CRYL1: variants seen among roughly 807,000 people sequenced by gnomAD.
CRYL1 encodes the protein crystallin lambda 1, also known as lambda-crystallin homolog.
In CRYL1, 29 loss-of-function variants were observed where a neutral mutation model predicts 36.6. That is an observed-to-expected ratio of 0.79 (90% CI 0.59 to 1.08). The LOEUF (loss-of-function observed/expected upper bound fraction) is 1.08, where lower values mean the gene tolerates loss of function less well. Ranked by LOEUF, CRYL1 falls within the 50% of genes least tolerant of loss-of-function variation. The probability of loss-of-function intolerance (pLI) is 0.00; values close to 1 mark genes in which losing one functional copy is unlikely to be tolerated. For synonymous variants in CRYL1, 152 were observed against 151.5 expected, an observed-to-expected ratio of 1.00 and a Z score of -0.02; for missense variants, 411 against 407.9, an observed-to-expected ratio of 1.01 and a Z score of -0.06.
chr13:20,419,363 G>A (rs763932758), intron 5 of CRYL1, among the ~76,000 whole-genome samples: 6 of 152,138 alleles, frequency 3.9e-5, no homozygotes, highest in South Asian at 2.1e-4. Flanking sequence ...GCAGGATCTC[G>A]GCTCACTGCA....
intron 5 of CRYL1, among the ~76,000 whole-genome samples, chr13:20,416,694 T>G (rs1455300637): frequency 6.6e-6 from 1 of 152,236 alleles, no homozygotes; most frequent in Non-Finnish European, 1.5e-5. Flanking sequence ...AGAATCGTAT[T>G]TAGTATTTTT....
intron 3 of CRYL1, among the ~76,000 whole-genome samples, chr13:20,453,119 A>T (rs1476046568): frequency 1.3e-5 from 2 of 152,226 alleles, no homozygotes; most frequent in Admixed American, 6.5e-5. Flanking sequence ...GATCTACTTG[A>T]CATTCAGAGA....
chr13:20,435,437 A>C lies in CRYL1; in HGVS notation c.439-3141T>G, dbSNP rs576267951. On this transcript the variant is annotated intron_variant, in intron 4 of 7. Coordinates refer to ENST00000298248, the MANE Select transcript of CRYL1 (RefSeq NM_015974.3). The surrounding 1 kb of genome is among the most constrained non-coding windows in gnomAD (Gnocchi z 4.0). Reference sequence around the variant, plus strand: ...CCACACCTCCGTGTCCACCTACGGAAGCCGCCGCAAAAGGACCTTCGAGGT... The same window carrying C: ...CCACACCTCCGTGTCCACCTACGGACGCCGCCGCAAAAGGACCTTCGAGGT... 1.2e-4 allele frequency among the ~76,000 whole-genome samples: 18 copies of C among 152,220 alleles called. No individual in the cohort carries two copies. The South Asian group carries it at 2.5e-3, about 21-fold the overall frequency.
chr13:20,434,165 C>T (rs1026025101), intron 4 of CRYL1, among the ~76,000 whole-genome samples: 7 of 152,200 alleles, frequency 4.6e-5, no homozygotes, highest in Non-Finnish European at 1.0e-4. Context: ...GAGAAATGTT[C>T]CTGGCCCCTG....
chr13:20,455,163 A>G (rs981123472), intron 3 of CRYL1, among the ~76,000 whole-genome samples: 9 of 152,232 alleles, frequency 5.9e-5, no homozygotes, highest in Non-Finnish European at 1.3e-4. Flanking sequence ...AATCAAAAAA[A>G]ATGTTAAATA....
At chr13:20,443,030 G>C (rs2032380546) in intron 3 of CRYL1, among the ~76,000 whole-genome samples, 1 of 152,208 alleles carries the variant, frequency 6.6e-6, no homozygotes, top group African/African-American at 2.4e-5. Context: ...GTGTTTCCCT[G>C]CCTTTCCTGA....
intron 3 of CRYL1, among the ~76,000 whole-genome samples, chr13:20,480,830 T>G (rs1759984859): frequency 6.6e-6 from 1 of 152,232 alleles, no homozygotes; most frequent in African/African-American, 2.4e-5. Flanking sequence ...ACTGTCCTTC[T>G]TATGTTTTGA....
chr13:20,489,419 C>T lies in CRYL1; in HGVS notation c.227G>A (p.Ser76Asn), dbSNP rs2033466221. ...LSVEEQLSLI[S>N]GCPNIQEAVE... is the part of the protein sequence containing the mutation. Reference sequence around the variant, plus strand: ...TGCTTCTTGGATATTGGGACAACCACTGATGAGTGACAGCTGCTCTTCCAC... The same window carrying T: ...TGCTTCTTGGATATTGGGACAACCATTGATGAGTGACAGCTGCTCTTCCAC... Residue 76 changes from serine (S) to asparagine (N), a missense_variant, in exon 3 of 8, where the codon AGT becomes AAT. Ser to Asn is a conservative substitution (Grantham distance 46). Coordinates refer to ENST00000298248, the MANE Select transcript of CRYL1 (RefSeq NM_015974.3). The T allele has an allele frequency of 6.2e-7, 1 of 1,613,718 alleles. No individual in the cohort carries two copies. Among genetic ancestry groups the T allele is most frequent in the Non-Finnish European group, 8.5e-7 (1 of 1,180,026 alleles).
chr13:20,506,834 T>C (rs2033802536), intron 2 of CRYL1, among the ~76,000 whole-genome samples: 1 of 152,218 alleles, frequency 6.6e-6, no homozygotes, highest in Non-Finnish European at 1.5e-5. Context: ...TATTTTTATA[T>C]GGCCTGTGAG....
intron 3 of CRYL1, among the ~76,000 whole-genome samples, chr13:20,488,420 G>A (rs1211851783): frequency 1.3e-5 from 2 of 152,176 alleles, no homozygotes; most frequent in African/African-American, 4.8e-5. Flanking sequence ...GTTCTGTTGT[G>A]ACACACATTT....
chr13:20,404,557 G>A (rs141893577), intron 7 of CRYL1, 78 bp downstream of exon 7: 142 of 890,448 alleles, frequency 1.6e-4, no homozygotes, highest in African/African-American at 3.8e-4. Flanking sequence ...AGGCCCACCC[G>A]CTGCAGAGGT....
chr13:20,416,008 C>T (rs1002122547), intron 5 of CRYL1, among the ~76,000 whole-genome samples: 4 of 152,186 alleles, frequency 2.6e-5, no homozygotes, highest in South Asian at 2.1e-4. Flanking sequence ...GCCAGGGTCA[C>T]GCGCACAGGG....
intron 5 of CRYL1, among the ~76,000 whole-genome samples, chr13:20,414,370 C>T (rs1453550629): frequency 6.6e-6 from 1 of 151,884 alleles, no homozygotes; most frequent in African/African-American, 2.4e-5. Flanking sequence ...CTTAGCTCAC[C>T]CTACAACCTA....
rs1330726932 is a variant in CRYL1 at position 20,481,331 on chromosome 13, C to T, written c.276+8039G>A. Among the ~76,000 whole-genome samples the T allele has an allele frequency of 2.0e-5, 3 of 152,166 alleles. No individual in the cohort carries two copies. Among genetic ancestry groups the T allele is most frequent in the Non-Finnish European group, 4.4e-5 (3 of 68,032 alleles). On this transcript the variant is annotated intron_variant, in intron 3 of 7. Coordinates refer to ENST00000298248, the MANE Select transcript of CRYL1 (RefSeq NM_015974.3). The surrounding 1 kb of genome is among the most constrained non-coding windows in gnomAD (Gnocchi z 4.1). ...ATTTTACTCTGTGAAAGAAACCAAA[C>T]TCAAAAGGCTGCATCATGTATGATT...
At chr13:20,459,235 CAAAA>C (rs61255031) in intron 3 of CRYL1, among the ~76,000 whole-genome samples, 2 of 78,418 alleles carry the variant, frequency 2.6e-5, no homozygotes, top group African/African-American at 4.9e-5. Flanking sequence ...GACTCCATCT[CAAAA>C]AAAAAAAAAA....
intron 1 of CRYL1, among the ~76,000 whole-genome samples, chr13:20,524,721 C>G (rs2034157967): frequency 6.6e-6 from 1 of 152,058 alleles, no homozygotes; most frequent in Non-Finnish European, 1.5e-5. Context: ...ACCACGGGCA[C>G]TCATGGGCCA....
chr13:20,523,746 C>G (rs2034137926), intron 1 of CRYL1, among the ~76,000 whole-genome samples: 1 of 151,930 alleles, frequency 6.6e-6, no homozygotes, highest in Non-Finnish European at 1.5e-5. Flanking sequence ...CACCAGAAAA[C>G]AAAGAAACAA....
chr13:20,486,609 C>T (rs1361096668), intron 3 of CRYL1, among the ~76,000 whole-genome samples: 1 of 152,150 alleles, frequency 6.6e-6, no homozygotes, highest in Admixed American at 6.5e-5. Flanking sequence ...AGAATATAAA[C>T]TCTCATAGGA....
rs55816812 is a variant in CRYL1, at chr13:20,453,774, A to C, written c.277-14020T>G. Among the ~76,000 whole-genome samples the C allele has an allele frequency of 2.9e-3, 446 of 152,284 alleles. 1 individual carries two copies. The highest frequency in any genetic ancestry group is 5.3e-3 in the Non-Finnish European group (361 of 68,006). ...AACTTCAAGGCAGACTGACCAATAA[A>C]AAGAGAGAAGACACAAATTGCCAAT... On this transcript the variant is annotated intron_variant, in intron 3 of 7. Coordinates refer to ENST00000298248, the MANE Select transcript of CRYL1 (RefSeq NM_015974.3).
Sources: allele counts gnomAD v4.1 joint callset (sites outside exome capture counted in the v4.1 genomes callset), GRCh38; gene constraint gnomAD v4.1.1; non-coding constraint Gnocchi (gnomAD v3.1); transcripts MANE v1.5; gene names NCBI Gene and HGNC (gene_info 2026-07-23, HGNC 2026-07-21).